Variants in PTGFRN observed in about 807,000 individuals in gnomAD.
PTGFRN encodes the protein prostaglandin F2 receptor negative regulator.
A neutral mutation model predicts 83.2 loss-of-function variants in PTGFRN; 35 were observed. The observed-to-expected ratio is 0.42, with a 90% confidence interval of 0.32 to 0.56. The LOEUF is 0.56. Among genes scored for constraint, PTGFRN ranks in the 20% least tolerant of loss-of-function variants. The probability of loss-of-function intolerance (pLI) is 0.11; values close to 1 mark genes in which losing one functional copy is unlikely to be tolerated. For missense variants in PTGFRN, 1,051 were observed against 1,179.5 expected, an observed-to-expected ratio of 0.89 and a Z score of 1.60; for synonymous variants, 519 against 498.6, an observed-to-expected ratio of 1.04 and a Z score of -0.55.
intron 1 of PTGFRN, among the ~76,000 whole-genome samples, chr1:116,922,578 G>A (rs115680061): frequency 0.016 from 2,441 of 152,248 alleles, 60 homozygotes; most frequent in African/African-American, 0.056. Flanking sequence ...GTAGCAAGGT[G>A]GCATATGCTG....
rs1650665306 is a variant in PTGFRN, at chr1:116,961,556, CAG to C, written c.1530_1531del (p.Gly511GlnfsTer29). On this transcript the variant is annotated frameshift_variant, in exon 5 of 9. Transcript: ENST00000393203. LOFTEE classifies it high-confidence loss of function. The surrounding 1 kb of genome is among the most constrained non-coding windows in gnomAD (Gnocchi z 5.4). ...FRIQRTTEED[R>X]GNYYCVVSAW... ...GGATCCAAAGGACTACAGAGGAAGA[CAG>C]AGGCAATTATTACTGTGTTGTGTCT... 2 of 1,614,166 alleles carry C rather than the reference CAG, an allele frequency of 1.2e-6. No individual in the cohort carries two copies. The highest frequency in any genetic ancestry group is 1.7e-6 in the Non-Finnish European group (2 of 1,180,032).
intron 3 of PTGFRN, among the ~76,000 whole-genome samples, chr1:116,947,741 T>G (rs1650237261): frequency 1.3e-5 from 2 of 152,224 alleles, no homozygotes; most frequent in South Asian, 4.1e-4. Flanking sequence ...CCACAAGCTT[T>G]GACTGTAGAA....
chr1:116,985,347 T>C (rs1164626923), intron 8 of PTGFRN, among the ~76,000 whole-genome samples: 1 of 152,028 alleles, frequency 6.6e-6, no homozygotes, highest in Non-Finnish European at 1.5e-5. Flanking sequence ...CTCAGGTCAA[T>C]AGGGGAGGCT....
chr1:116,944,440 C>T (rs889889825), intron 2 of PTGFRN, among the ~76,000 whole-genome samples: 46 of 152,316 alleles, frequency 3.0e-4, no homozygotes, highest in African/African-American at 1.0e-3. Context: ...AGGCACGACT[C>T]CCACAGGGAG....
chr1:116,989,548 T>C lies in PTGFRN; in HGVS notation c.*2581T>C, dbSNP rs1445616828. On this transcript the variant is annotated 3_prime_UTR_variant, in exon 9 of 9. Coordinates refer to ENST00000393203, the MANE Select transcript of PTGFRN (RefSeq NM_020440.4). Reference sequence around the variant, plus strand: ...GAGACCCAGCCGCGTCTCACACAGGTGGAATTGCACTTCTTAACAAAAAGG... The same window carrying C: ...GAGACCCAGCCGCGTCTCACACAGGCGGAATTGCACTTCTTAACAAAAAGG... 4 of 152,578 alleles carry C rather than the reference T, an allele frequency of 2.6e-5. No homozygotes were observed. The highest frequency in any genetic ancestry group is 5.9e-5 in the Non-Finnish European group (4 of 68,028). 9.5% of individuals were successfully genotyped at this position (152,578 alleles called of 1,614,324 possible).
At chr1:116,946,546 A>T (rs1306615254) in intron 3 of PTGFRN, among the ~76,000 whole-genome samples, 9 of 152,218 alleles carry the variant, frequency 5.9e-5, no homozygotes, top group South Asian at 2.1e-4. Flanking sequence ...GAAGAATTTG[A>T]ATTGTAAAGA....
intron 1 of PTGFRN, among the ~76,000 whole-genome samples, chr1:116,940,523 C>G (rs763377220): frequency 6.6e-6 from 1 of 152,144 alleles, no homozygotes; most frequent in Non-Finnish European, 1.5e-5. Flanking sequence ...TTCTGGGGTA[C>G]TGGGGGCTAG....
At chr1:116,975,226 G>A (rs1467296115) in intron 7 of PTGFRN, among the ~76,000 whole-genome samples, 3 of 152,236 alleles carry the variant, frequency 2.0e-5, no homozygotes, top group East Asian at 3.8e-4. Context: ...GAGCTGCAGG[G>A]AAGCTCGAAC....
chr1:116,958,868 T>C lies in PTGFRN; in HGVS notation c.1214-2375T>C, dbSNP rs1252847228. Among the ~76,000 whole-genome samples, 3 of 152,186 alleles carry C rather than the reference T, an allele frequency of 2.0e-5. No homozygotes were observed. The highest frequency in any genetic ancestry group is 4.4e-5 in the Non-Finnish European group (3 of 68,042). ...GTTCTCCAGTCCCCACACAGTCTCA[T>C]GCCACACAGGAAGGGTCTTATGTGT... On this transcript the variant is annotated intron_variant, in intron 4 of 8. Transcript: ENST00000393203. This position sits in a 1 kb window ranked among gnomAD's most constrained non-coding sequence, Gnocchi z 4.9.
intron 4 of PTGFRN, among the ~76,000 whole-genome samples, chr1:116,956,988 T>C (rs1650516873): frequency 1.3e-5 from 2 of 152,010 alleles, no homozygotes; most frequent in South Asian, 2.1e-4. Context: ...GGGAGAGCGT[T>C]GAAGATGGCA....
rs1651591187 is a variant in PTGFRN at position 116,988,546 on chromosome 1, C to G, written c.*1579C>G. 6.6e-6 allele frequency: 1 copy of G among 152,658 alleles called. No homozygotes were observed. Among genetic ancestry groups the G allele is most frequent in the Non-Finnish European group, 1.5e-5 (1 of 68,048 alleles). 9.5% of individuals were successfully genotyped at this position (152,658 alleles called of 1,614,324 possible). A position where few individuals can be genotyped will look rare whatever the true frequency, so the allele number is the denominator to read the frequency against. On this transcript the variant is annotated 3_prime_UTR_variant, in exon 9 of 9. Transcript: ENST00000393203. ...TTTGAAGGATCTAACACTGCTCTCT[C>G]TTCCAAAGGGGAAAAAAAGATTCAT...
Position 116,986,843 on chromosome 1 carries a change from T to A in PTGFRN, c.2516T>A (p.Leu839Gln). The change falls in exon 9 of 9, where the codon CTG (leucine) becomes CAG (glutamine). Residue 839 changes from leucine to glutamine, a missense_variant. This residue lies in a region of PTGFRN where 719 missense variants were observed against 836.6 expected (regional missense o/e 0.86). Transcript: ENST00000393203. Reference protein sequence around the residue: ...FKYPLLIGVGLSTVIGLLSCL... With the variant: ...FKYPLLIGVGQSTVIGLLSCL... Reference sequence around the variant, plus strand: ...TATCCCTTGCTGATCGGCGTCGGTCTGTCCACGGTCATCGGGCTCCTGTCC... The same window carrying A: ...TATCCCTTGCTGATCGGCGTCGGTCAGTCCACGGTCATCGGGCTCCTGTCC... The A allele has an allele frequency of 6.2e-7, 1 of 1,614,194 alleles. No homozygotes were observed. Among genetic ancestry groups the A allele is most frequent in the East Asian group, 2.2e-5 (1 of 44,868 alleles).
chr1:116,975,303 G>T (rs532838328), intron 7 of PTGFRN, among the ~76,000 whole-genome samples: 50 of 152,342 alleles, frequency 3.3e-4, no homozygotes, highest in Non-Finnish European at 1.5e-5. Flanking sequence ...TGGGGGCAGG[G>T]CATAGCCAAA....
intron 1 of PTGFRN, among the ~76,000 whole-genome samples, chr1:116,935,636 A>G (rs1437933614): frequency 6.6e-6 from 1 of 152,208 alleles, no homozygotes; most frequent in Non-Finnish European, 1.5e-5. Context: ...CCAATGAAAT[A>G]CACATACATA....
intron 8 of PTGFRN, 51 bp from the exon 9 acceptor site, chr1:116,986,750 C>A: frequency 6.4e-7 from 1 of 1,566,420 alleles, no homozygotes; most frequent in Non-Finnish European, 8.7e-7. Context: ...GCCCCCAAAG[C>A]GGCCTCCCTC....
At chr1:116,922,041 G>A (rs1302592018) in intron 1 of PTGFRN, among the ~76,000 whole-genome samples, 4 of 152,182 alleles carry the variant, frequency 2.6e-5, no homozygotes, top group African/African-American at 4.8e-5. Context: ...CTTAGGGGAC[G>A]TGGATATTAA....
At chr1:116,926,098 G>C (rs1281060010) in intron 1 of PTGFRN, among the ~76,000 whole-genome samples, 2 of 152,202 alleles carry the variant, frequency 1.3e-5, no homozygotes, top group African/African-American at 4.8e-5. Context: ...AGGGGTGGAT[G>C]AGGCAAAGGA....
intron 6 of PTGFRN, among the ~76,000 whole-genome samples, chr1:116,971,826 GT>G (rs1445403684): frequency 6.6e-6 from 1 of 152,230 alleles, no homozygotes; most frequent in Non-Finnish European, 1.5e-5. Flanking sequence ...TTCGAATTAA[GT>G]AAGTCTTCTT....
At chr1:116,927,143 C>G (rs923135922) in intron 1 of PTGFRN, among the ~76,000 whole-genome samples, 6 of 152,124 alleles carry the variant, frequency 3.9e-5, no homozygotes, top group African/African-American at 1.4e-4. Flanking sequence ...CACATCTGTC[C>G]CACACTGCCT....
Sources: gnomAD v4.1 joint callset for allele counts (sites outside exome capture counted in the v4.1 genomes callset) on GRCh38, gnomAD v4.1.1 for gene constraint, gnomAD v4.1.1 regional missense constraint, Gnocchi (gnomAD v3.1) non-coding constraint, MANE v1.5 for transcripts, NCBI Gene and HGNC (gene_info 2026-07-23, HGNC 2026-07-21) for gene names.